RET: variants seen among roughly 807,000 people sequenced by gnomAD.
RET encodes proto-oncogene tyrosine-protein kinase receptor Ret.
Under a neutral mutation model 118.3 loss-of-function variants are expected in RET, and 19 were observed. That is an observed-to-expected ratio of 0.16 (90% confidence interval 0.11 to 0.24). RET has a LOEUF of 0.24. RET is among the 10% of genes least tolerant of loss of function. RET has a pLI of 1.00. For missense variants in RET, 1,219 were observed against 1,502.1 expected (o/e 0.81, Z 3.12); for synonymous variants, 597 against 644.1 (o/e 0.93, Z 1.11).
Position 43,119,633 on chromosome 10 carries a change from G to A in RET, c.2495G>A (p.Ser832Asn), listed in dbSNP as rs2132946430. The A allele has an allele frequency of 6.2e-7, 1 of 1,613,018 alleles. No homozygotes were observed. Residue 832 changes from serine to asparagine, a missense_variant, in exon 14 of 20, where the codon AGC becomes AAC. Around this residue, in one of 5 missense-constraint regions of RET, gnomAD observed 850 missense variants for 969.6 expected, o/e 0.88. Coordinates refer to ENST00000355710, the MANE Select transcript of RET (RefSeq NM_020975.6). ...CCTGGCTACCTGGGCAGTGGAGGCA[G>A]CCGCAACTCCAGCTCCCTGGACCAC... ...VGPGYLGSGGSRNSSSLDHPD... is the reference protein window; with the variant it reads ...VGPGYLGSGGNRNSSSLDHPD...
chr10:43,116,523 C>T (rs2132900320), intron 11 of RET, 61 bp from the exon 12 acceptor site: 1 of 1,599,224 alleles, frequency 6.3e-7, no homozygotes, highest in South Asian at 1.1e-5. Context: ...TGCCTTCTTC[C>T]TCCCCTGTCA....
At chr10:43,108,000 G>A (rs1169795511) in intron 5 of RET, among the ~76,000 whole-genome samples, 1 of 151,978 alleles carries the variant, frequency 6.6e-6, no homozygotes, top group Non-Finnish European at 1.5e-5. Flanking sequence ...GGGTCAGGAG[G>A]GAAAGTAAAC....
chr10:43,079,445 T>C (rs957320875), intron 1 of RET, among the ~76,000 whole-genome samples: 2 of 152,190 alleles, frequency 1.3e-5, no homozygotes, highest in African/African-American at 2.4e-5. Flanking sequence ...ATCTAAAAGT[T>C]ACATTCATTT....
In RET at chr10:43,106,710, C is replaced by G; in HGVS notation, c.1063+139C>G. The G allele has an allele frequency of 6.9e-6, 6 of 865,946 alleles. No individual in the cohort carries two copies. The highest frequency in any genetic ancestry group is 1.1e-5 in the Non-Finnish European group (6 of 553,870). The allele number at this position is 865,946 out of a possible 1,614,324, so 53.6% of individuals were successfully genotyped here. On this transcript the variant is annotated intron_variant, in intron 5 of 19. Transcript: ENST00000355710. This position sits in a 1 kb window ranked among gnomAD's most constrained non-coding sequence, Gnocchi z 5.1. ...CAAGCCACTTCCCCTCCACCCTCTG[C>G]CCAGCACTTCCTGTGTCTCTGCCAG...
chr10:43,127,652 C>CGAT (rs1838364753), intron 19 of RET: 2 of 283,498 alleles, frequency 7.1e-6, no homozygotes, highest in Admixed American at 1.0e-4. Context: ...TTTGTGCTGA[C>CGAT]GATGCTATGA....
At chr10:43,127,329 C>T in intron 19 of RET, 1 of 1,069,178 alleles carries the variant, frequency 9.4e-7, no homozygotes, top group Non-Finnish European at 1.1e-6. Flanking sequence ...CTGCTGTTTT[C>T]ACATCCTTTC....
chr10:43,113,010 G>A (rs760428117), intron 9 of RET, 47 bp downstream of exon 9: 8 of 1,508,608 alleles, frequency 5.3e-6, no homozygotes, highest in Non-Finnish European at 6.5e-6. Context: ...GAGATAGTAG[G>A]GGAAACCTGG....
At chr10:43,103,526 A>G (rs1837688990) in intron 3 of RET, among the ~76,000 whole-genome samples, 1 of 152,172 alleles carries the variant, frequency 6.6e-6, no homozygotes, top group Admixed American at 6.5e-5. Flanking sequence ...TGACCATCAG[A>G]AAGTCAGGAA....
At chr10:43,115,110 C>T (rs2742233) in intron 11 of RET, among the ~76,000 whole-genome samples, 119,408 of 152,172 alleles carry the variant, frequency 0.78, 47,429 homozygotes, top group African/African-American at 0.88. Flanking sequence ...CTCCTTGTCC[C>T]GGCCAGGCAG....
chr10:43,090,757 T>C (rs1048457883), intron 1 of RET, among the ~76,000 whole-genome samples: 2 of 151,306 alleles, frequency 1.3e-5, no homozygotes, highest in East Asian at 3.9e-4. Flanking sequence ...CATGCAGCAG[T>C]GGTGCCGGTC....
chr10:43,079,009 C>T (rs1837117524), intron 1 of RET, among the ~76,000 whole-genome samples: 1 of 152,220 alleles, frequency 6.6e-6, no homozygotes, highest in Non-Finnish European at 1.5e-5. Context: ...GTTCGAGCCG[C>T]ACTCTTGGAG....
At position 43,099,080 on chromosome 10, in the gene RET, T is replaced by C. The variant is rs139762203; in HGVS notation, c.74-1379T>C. Among the ~76,000 whole-genome samples the C allele has an allele frequency of 1.2e-4, 19 of 152,306 alleles. No individual in the cohort carries two copies. In the East Asian group the frequency reaches 3.7e-3, roughly 29 times the overall value. On this transcript the variant is annotated intron_variant, in intron 1 of 19. Transcript: ENST00000355710. ...TGTGGGAAATGTTGGCCACACACAGTCAGCAGCATAGTGCACCGTGCCCCT... is the reference window on the plus strand; with the variant it reads ...TGTGGGAAATGTTGGCCACACACAGCCAGCAGCATAGTGCACCGTGCCCCT...
chr10:43,088,934 C>T (rs901359908), intron 1 of RET, among the ~76,000 whole-genome samples: 1 of 152,246 alleles, frequency 6.6e-6, no homozygotes, highest in East Asian at 1.9e-4. Flanking sequence ...CCCCTCCTTT[C>T]ACTCTGGCTC....
intron 17 of RET, 129 bp from the exon 18 acceptor site, chr10:43,124,754 T>C (rs1357822481): frequency 3.3e-6 from 3 of 908,560 alleles, no homozygotes; most frequent in South Asian, 1.3e-5. Context: ...GATGCAGAAA[T>C]AGCTTTGGAG....
chr10:43,127,169 C>T, intron 19 of RET: 1 of 1,106,402 alleles, frequency 9.0e-7, no homozygotes, highest in South Asian at 3.5e-5. Flanking sequence ...TTCCCCCAGA[C>T]CCCTCCTGGG....
rs746055866 is a variant in RET at position 43,111,269 on chromosome 10, G to A, written c.1326G>A (p.Leu442=). Residue 442 remains leucine (L), a synonymous_variant, in exon 7 of 20, where the codon CTG becomes CTA. Transcript: ENST00000355710. ...GTGGCATCAACGTCCAGTACAAGCTGCATTCCTCTGGTGCCAACTGCAGCA... is the reference window on the plus strand; with the variant it reads ...GTGGCATCAACGTCCAGTACAAGCTACATTCCTCTGGTGCCAACTGCAGCA... ...AFSGINVQYK[L]HSSGANCSTL... 22 of 1,614,052 alleles carry A rather than the reference G, an allele frequency of 1.4e-5. No homozygotes were observed. The highest frequency in any genetic ancestry group is 1.8e-5 in the Non-Finnish European group (21 of 1,180,044).
At chr10:43,104,878 C>T (rs1410885967) in intron 3 of RET, 74 bp from the exon 4 acceptor site, 4 of 626,426 alleles carry the variant, frequency 6.4e-6, no homozygotes, top group Admixed American at 6.2e-5. Flanking sequence ...ACCGCAGAGC[C>T]CCCTTCCCGA....
rs1183461228 is a variant in RET, at chr10:43,119,512, C to T, written c.2393-19C>T. 1 of 1,581,948 alleles carries T rather than the reference C, an allele frequency of 6.3e-7. No individual in the cohort carries two copies. The highest frequency in any genetic ancestry group is 8.6e-7 in the Non-Finnish European group (1 of 1,168,002). Reference sequence around the variant, plus strand: ...GCTGCCTGACCCGCACGCCCAGGGCCCCCTCTCTCCGCCCCCAGGCCCGCT... The same window carrying T: ...GCTGCCTGACCCGCACGCCCAGGGCTCCCTCTCTCCGCCCCCAGGCCCGCT... On this transcript the variant is annotated intron_variant, in intron 13 of 19. Coordinates refer to ENST00000355710, the MANE Select transcript of RET (RefSeq NM_020975.6).
In RET at chr10:43,114,643, G is replaced by A. The variant is rs2132851372; in HGVS notation, c.2043G>A (p.Gln681=). 1 of 1,613,024 alleles carries A rather than the reference G, an allele frequency of 6.2e-7. No individual in the cohort carries two copies. Among genetic ancestry groups the A allele is most frequent in the Non-Finnish European group, 8.5e-7 (1 of 1,180,018 alleles). The change falls in exon 11 of 20, where the codon CAG becomes CAA. Residue 681 remains glutamine (Q), a synonymous_variant. Transcript: ENST00000355710. This position sits in a 1 kb window ranked among gnomAD's most constrained non-coding sequence, Gnocchi z 4.6. ...AGATGACCTTCCGGAGGCCCGCCCA[G>A]GCCTTCCCGGTCAGCTACTCCTCTT... ...SAEMTFRRPA[Q]AFPVSYSSSG...
Sources: gnomAD v4.1 joint callset for allele counts (sites outside exome capture counted in the v4.1 genomes callset) on GRCh38, gnomAD v4.1.1 for gene constraint, gnomAD v4.1.1 regional missense constraint, Gnocchi (gnomAD v3.1) non-coding constraint, MANE v1.5 for transcripts, NCBI Gene and HGNC (gene_info 2026-07-23, HGNC 2026-07-21) for gene names.